Variants in GUCY1A2 observed in about 807,000 individuals in gnomAD.
GUCY1A2 encodes guanylate cyclase soluble subunit alpha-2.
GUCY1A2 carries 27 observed loss-of-function variants against 63.5 expected under a neutral mutation model. That is an observed-to-expected ratio of 0.43 (90% CI 0.31 to 0.59). The LOEUF (loss-of-function observed/expected upper bound fraction) is 0.59. GUCY1A2 is among the 20% of genes least tolerant of loss of function. GUCY1A2 has a pLI of 0.11. For missense variants in GUCY1A2, 768 were observed against 913.3 expected (o/e 0.84, Z 2.05); for synonymous variants, 364 against 343.5 (o/e 1.06, Z -0.66).
At chr11:107,008,944 C>T (rs180841620) in intron 1 of GUCY1A2, among the ~76,000 whole-genome samples, 7 of 152,270 alleles carry the variant, frequency 4.6e-5, no homozygotes, top group Middle Eastern at 3.4e-3. Context: ...AGTAGACTCA[C>T]GCATAACAAA....
chr11:106,776,702 G>A (rs1341901781), intron 5 of GUCY1A2, 120 bp from the exon 6 acceptor site: 11 of 862,638 alleles, frequency 1.3e-5, no homozygotes, highest in Non-Finnish European at 2.0e-5. Flanking sequence ...AATAAATTAA[G>A]CAATTAGACT....
At chr11:106,807,495 T>G (rs545338444) in intron 5 of GUCY1A2, among the ~76,000 whole-genome samples, 2 of 152,282 alleles carry the variant, frequency 1.3e-5, no homozygotes, top group East Asian at 3.9e-4. Context: ...TAGCATATAT[T>G]GTATTTCCAG....
intron 6 of GUCY1A2, among the ~76,000 whole-genome samples, chr11:106,735,123 C>G (rs1399108993): frequency 6.6e-6 from 1 of 151,956 alleles, no homozygotes; most frequent in African/African-American, 2.4e-5. Context: ...AAACATTAAT[C>G]ATTTATTTGA....
At chr11:106,839,549 C>G (rs988793328) in intron 4 of GUCY1A2, among the ~76,000 whole-genome samples, 1 of 151,956 alleles carries the variant, frequency 6.6e-6, no homozygotes, top group Non-Finnish European at 1.5e-5. Flanking sequence ...ACTATAAAGA[C>G]ACATGCACAC....
At chr11:106,745,026 T>G (rs1863763203) in intron 6 of GUCY1A2, among the ~76,000 whole-genome samples, 2 of 152,080 alleles carry the variant, frequency 1.3e-5, no homozygotes, top group African/African-American at 4.8e-5. Flanking sequence ...CACTGTTAAT[T>G]ATGAAGGAAA....
chr11:106,809,814 C>A (rs536663654), intron 5 of GUCY1A2, among the ~76,000 whole-genome samples, 179 bp downstream of exon 5: 16 of 152,174 alleles, frequency 1.1e-4, no homozygotes, highest in African/African-American at 3.4e-4. Flanking sequence ...TATGTCAACA[C>A]AAACGAACTC....
intron 5 of GUCY1A2, among the ~76,000 whole-genome samples, chr11:106,787,992 A>G (rs918296144): frequency 2.6e-5 from 4 of 152,156 alleles, no homozygotes; most frequent in Non-Finnish European, 5.9e-5. Flanking sequence ...ACTAATTTAC[A>G]TTCCCACCAA....
intron 6 of GUCY1A2, among the ~76,000 whole-genome samples, chr11:106,761,922 AG>A (rs1451093054): frequency 6.6e-6 from 1 of 152,184 alleles, no homozygotes; most frequent in Non-Finnish European, 1.5e-5. Context: ...CAACTAGTGA[AG>A]AGATTTTAAT....
chr11:106,781,266 G>A (rs945451946), intron 5 of GUCY1A2, among the ~76,000 whole-genome samples: 3 of 152,190 alleles, frequency 2.0e-5, no homozygotes, highest in African/African-American at 4.8e-5. Flanking sequence ...CCACCTGTTC[G>A]TGAATGGCAC....
chr11:106,853,399 C>T lies in GUCY1A2; in HGVS notation c.1207-42921G>A, dbSNP rs558862128. 3.1e-3 allele frequency among the ~76,000 whole-genome samples: 475 copies of T among 151,906 alleles called. 2 individuals carry two copies. Among genetic ancestry groups the T allele is most frequent in the African/African-American group, 0.011 (452 of 41,468 alleles). On this transcript the variant is annotated intron_variant, in intron 4 of 7. Transcript: ENST00000526355. ...GGCTGGGTTATTTTGGAAGCTCTAT[C>T]TTCAAGTTTAATTATTTCTTCTGCT...
intron 4 of GUCY1A2, among the ~76,000 whole-genome samples, chr11:106,834,187 A>G (rs894135925): frequency 6.6e-6 from 1 of 151,920 alleles, no homozygotes; most frequent in Non-Finnish European, 1.5e-5. Context: ...GCAAATGTGC[A>G]CCCTTTGACC....
At chr11:107,014,851 A>T (rs928707937) in intron 1 of GUCY1A2, among the ~76,000 whole-genome samples, 3 of 152,184 alleles carry the variant, frequency 2.0e-5, no homozygotes, top group African/African-American at 4.8e-5. Flanking sequence ...CATTCAAAAC[A>T]ACTAGAAATT....
chr11:107,007,134 C>T (rs1277374920), intron 1 of GUCY1A2, among the ~76,000 whole-genome samples: 1 of 152,092 alleles, frequency 6.6e-6, no homozygotes, highest in Non-Finnish European at 1.5e-5. Flanking sequence ...AAAAAAAATG[C>T]ATGAATGATG....
chr11:106,785,454 A>G (rs977524873), intron 5 of GUCY1A2, among the ~76,000 whole-genome samples: 1 of 151,746 alleles, frequency 6.6e-6, no homozygotes, highest in African/African-American at 2.4e-5. Flanking sequence ...TGATGGACAA[A>G]TTTCTATCAC....
At chr11:106,761,691 T>C (rs1864069373) in intron 6 of GUCY1A2, among the ~76,000 whole-genome samples, 1 of 152,182 alleles carries the variant, frequency 6.6e-6, no homozygotes, top group South Asian at 2.1e-4. Context: ...TAAACAACCC[T>C]TGAAGCACCA....
intron 1 of GUCY1A2, among the ~76,000 whole-genome samples, chr11:107,007,771 T>C (rs1861690258): frequency 6.6e-6 from 1 of 152,204 alleles, no homozygotes. Context: ...AAGATAGATA[T>C]ATGGATATGC....
intron 4 of GUCY1A2, among the ~76,000 whole-genome samples, chr11:106,847,241 A>AATAT (rs975195456): frequency 7.0e-6 from 1 of 143,546 alleles, no homozygotes; most frequent in Non-Finnish European, 1.5e-5. Flanking sequence ...CAAAAAAAAA[A>AATAT]ATATATATAT....
chr11:106,737,389 A>G (rs752019677), intron 6 of GUCY1A2, among the ~76,000 whole-genome samples: 89 of 151,992 alleles, frequency 5.9e-4, no homozygotes, highest in Non-Finnish European at 1.6e-4. Context: ...CTTAGAGTGG[A>G]CCATCTCTTT....
intron 4 of GUCY1A2, among the ~76,000 whole-genome samples, chr11:106,848,542 A>G (rs1454882845): frequency 6.6e-6 from 1 of 151,712 alleles, no homozygotes; most frequent in East Asian, 1.9e-4. Flanking sequence ...AACAGTGGAT[A>G]TAATTTTGGA....
Sources: gnomAD v4.1 joint callset for allele counts (sites outside exome capture counted in the v4.1 genomes callset) on GRCh38, gnomAD v4.1.1 for gene constraint, MANE v1.5 for transcripts, NCBI Gene and HGNC (gene_info 2026-07-23, HGNC 2026-07-21) for gene names.